TRPS1: variants seen among roughly 807,000 people sequenced by gnomAD.
TRPS1 encodes the protein transcriptional repressor GATA binding 1.
A neutral mutation model predicts 101.2 loss-of-function variants in TRPS1; 6 were observed. The observed-to-expected ratio is 0.06, with a 90% CI of 0.03 to 0.12. TRPS1 has a LOEUF of 0.12. TRPS1 is among the 10% of genes least tolerant of loss of function. The pLI is 1.00. For missense variants in TRPS1, 1,363 were observed against 1,567.0 expected (o/e 0.87, Z 2.20); for synonymous variants, 578 against 589.8 (o/e 0.98, Z 0.29).
intron 1 of TRPS1, among the ~76,000 whole-genome samples, chr8:115,624,148 A>T (rs1391438333): frequency 4.5e-5 from 4 of 88,566 alleles, no homozygotes; most frequent in African/African-American, 1.6e-4. Flanking sequence ...ACGTAATCAC[A>T]ACAATGAACA....
intron 6 of TRPS1, among the ~76,000 whole-genome samples, chr8:115,417,576 A>G (rs921694662): frequency 6.6e-6 from 1 of 152,204 alleles, no homozygotes; most frequent in Non-Finnish European, 1.5e-5. Context: ...AAAATCCTTC[A>G]GTAAGTCAAA....
At chr8:115,459,960 G>A (rs992991115) in intron 5 of TRPS1, among the ~76,000 whole-genome samples, 1 of 152,114 alleles carries the variant, frequency 6.6e-6, no homozygotes, top group African/African-American at 2.4e-5. Context: ...AATTATGTAT[G>A]TAATACATAT....
At chr8:115,464,902 T>A (rs533857899) in intron 5 of TRPS1, among the ~76,000 whole-genome samples, 44 of 152,212 alleles carry the variant, frequency 2.9e-4, no homozygotes, top group African/African-American at 1.0e-3. Flanking sequence ...AGATGTGCTA[T>A]ATCAAAGTAT....
intron 5 of TRPS1, among the ~76,000 whole-genome samples, chr8:115,568,108 C>T (rs1817112172): frequency 6.6e-6 from 1 of 151,984 alleles, no homozygotes; most frequent in Admixed American, 6.6e-5. Context: ...AGTGACTGTC[C>T]TAATTCCTGA....
intron 2 of TRPS1, among the ~76,000 whole-genome samples, chr8:115,622,185 C>A (rs1040619833): frequency 3.3e-5 from 5 of 151,936 alleles, no homozygotes; most frequent in Non-Finnish European, 7.4e-5. Context: ...AACTTGATAA[C>A]CACTGTTAAA....
At position 115,409,797 on chromosome 8, in the gene TRPS1, T is replaced by G. The variant is rs748586908; in HGVS notation, c.*4226A>C. ...GAATTCCACCTAACAGTACCTACCT[T>G]TGATTAGAATATTTAGTTTGATACT... On this transcript the variant is annotated 3_prime_UTR_variant, in exon 7 of 7. Coordinates refer to ENST00000395715, the MANE Select transcript of TRPS1 (RefSeq NM_014112.5). 4 of 152,390 alleles carry G rather than the reference T, an allele frequency of 2.6e-5. No individual in the cohort carries two copies. The highest frequency in any genetic ancestry group is 6.6e-5 in the Admixed American group (1 of 15,240). The allele number at this position is 152,390 out of a possible 1,614,324, so 9.4% of individuals were successfully genotyped here.
chr8:115,531,369 A>G, intron 5 of TRPS1, among the ~76,000 whole-genome samples: 2 of 152,198 alleles, frequency 1.3e-5, no homozygotes, highest in East Asian at 3.9e-4. Context: ...AGACTAGCAA[A>G]TTCAAGATAC....
chr8:115,604,113 G>A lies in TRPS1; in HGVS notation c.1856C>T (p.Ala619Val), dbSNP rs750803049. The A allele has an allele frequency of 4.2e-5, 68 of 1,613,950 alleles. No individual in the cohort carries two copies. The highest frequency in any genetic ancestry group is 6.7e-5 in the Admixed American group (4 of 59,964). ...ATGTTTGACTCGCGAGCTTCCAGCC[G>A]CCCCAGGAGACAAGTGCAGAAGCAA... ...ALLLLHLSPG[A>V]AGSSRVKHQC... The change falls in exon 4 of 7, where the codon GCG becomes GTG. Residue 619 changes from alanine (A) to valine (V), a missense_variant. Transcript: ENST00000395715. This position sits in a 1 kb window ranked among gnomAD's most constrained non-coding sequence, Gnocchi z 4.1.
chr8:115,465,576 A>T (rs1814296492), intron 5 of TRPS1, among the ~76,000 whole-genome samples: 1 of 152,132 alleles, frequency 6.6e-6, no homozygotes, highest in South Asian at 2.1e-4. Context: ...AAATACACCC[A>T]TTGGTCTATC....
intron 1 of TRPS1, among the ~76,000 whole-genome samples, chr8:115,629,427 C>A (rs939238894): frequency 6.6e-6 from 1 of 151,632 alleles, no homozygotes; most frequent in Admixed American, 6.6e-5. Context: ...ACAATAAAAT[C>A]CCAGGTGTCC....
At chr8:115,528,277 C>A (rs1026637047) in intron 5 of TRPS1, among the ~76,000 whole-genome samples, 7 of 151,928 alleles carry the variant, frequency 4.6e-5, no homozygotes, top group Non-Finnish European at 8.8e-5. Flanking sequence ...TATTGTGTAC[C>A]TATTTATCAT....
intron 5 of TRPS1, among the ~76,000 whole-genome samples, chr8:115,561,070 T>C (rs1816934967): frequency 6.6e-6 from 1 of 152,178 alleles, no homozygotes; most frequent in African/African-American, 2.4e-5. Flanking sequence ...ACGATTACTT[T>C]GTCCTAACAG....
rs1322332596 is a variant in TRPS1 at position 115,587,315 on chromosome 8, C to G, written c.2386G>C (p.Glu796Gln). 1 of 1,614,204 alleles carries G rather than the reference C, an allele frequency of 6.2e-7. No homozygotes were observed. Among genetic ancestry groups the G allele is most frequent in the Non-Finnish European group, 8.5e-7 (1 of 1,180,032 alleles). ...TTGCGAAGGTCATCACTGGAACTCT[C>G]GGTCCAAACTTTCTCTTTGAGCCCG... The part of the protein sequence containing the change: ...KDGLKEKVWT[E>Q]SSSDDLRNVT... The change falls in exon 5 of 7, where the codon GAG (glutamate) becomes CAG (glutamine). Residue 796 changes from glutamate (E) to glutamine (Q), a missense_variant. Coordinates refer to ENST00000395715, the MANE Select transcript of TRPS1 (RefSeq NM_014112.5).
chr8:115,608,157 T>C (rs1356790047), intron 3 of TRPS1, among the ~76,000 whole-genome samples: 1 of 152,154 alleles, frequency 6.6e-6, no homozygotes, highest in Non-Finnish European at 1.5e-5. Flanking sequence ...GCTGTGACTA[T>C]ACTAAAAAGA....
At chr8:115,467,355 CTG>C (rs906276179) in intron 5 of TRPS1, among the ~76,000 whole-genome samples, 4 of 151,312 alleles carry the variant, frequency 2.6e-5, no homozygotes, top group African/African-American at 9.7e-5. Flanking sequence ...TCCAGGAACA[CTG>C]TGTTGGAAAG....
chr8:115,622,621 T>C (rs1818420473), intron 2 of TRPS1, among the ~76,000 whole-genome samples: 1 of 152,218 alleles, frequency 6.6e-6, no homozygotes, highest in South Asian at 2.1e-4. Flanking sequence ...CAATATAATC[T>C]TCCCTTACTG....
rs747585570 is a variant in TRPS1 at position 115,605,000 on chromosome 8, C to A, written c.969G>T (p.Val323=). 6.2e-7 allele frequency: 1 copy of A among 1,613,022 alleles called. No homozygotes were observed. The highest frequency in any genetic ancestry group is 8.5e-7 in the Non-Finnish European group (1 of 1,179,876). Residue 323 remains valine (V), a splice_region_variant and synonymous_variant, in exon 4 of 7, where the codon GTG becomes GTT. Coordinates refer to ENST00000395715, the MANE Select transcript of TRPS1 (RefSeq NM_014112.5). The surrounding 1 kb of genome is among the most constrained non-coding windows in gnomAD (Gnocchi z 4.1). ...VLLNGTYDVQ[V]TSGGTFIGIG... ...TGCCAATGAATGTTCCACCTGAAGTCACCTGGAGAACAGAAGAAATGGACT... is the reference window on the plus strand; with the variant it reads ...TGCCAATGAATGTTCCACCTGAAGTAACCTGGAGAACAGAAGAAATGGACT...
chr8:115,562,750 A>G (rs1316344498), intron 5 of TRPS1, among the ~76,000 whole-genome samples: 1 of 151,960 alleles, frequency 6.6e-6, no homozygotes, highest in East Asian at 1.9e-4. Context: ...ACAAAAGGAG[A>G]AAAAAAGGAG....
rs1333086301 is a variant in TRPS1, at chr8:115,418,540, A to T, written c.2701-88T>A. On this transcript the variant is annotated intron_variant, in intron 5 of 6. Coordinates refer to ENST00000395715, the MANE Select transcript of TRPS1 (RefSeq NM_014112.5). The surrounding 1 kb of genome is among the most constrained non-coding windows in gnomAD (Gnocchi z 4.3). ...ATCAACCCAGGAGTTTTGTCTTTAAACTAGCAACAATGACAGTATAAAACC... is the reference window on the plus strand; with the variant it reads ...ATCAACCCAGGAGTTTTGTCTTTAATCTAGCAACAATGACAGTATAAAACC... 1 of 1,578,832 alleles carries T rather than the reference A, an allele frequency of 6.3e-7. No homozygotes were observed. The highest frequency in any genetic ancestry group is 8.7e-7 in the Non-Finnish European group (1 of 1,149,520).
Sources: allele counts gnomAD v4.1 joint callset (sites outside exome capture counted in the v4.1 genomes callset), GRCh38; gene constraint gnomAD v4.1.1; non-coding constraint Gnocchi (gnomAD v3.1); transcripts MANE v1.5; gene names NCBI Gene and HGNC (gene_info 2026-07-23, HGNC 2026-07-21).